UNC5D: variants seen among roughly 807,000 people sequenced by gnomAD.
UNC5D encodes the protein netrin receptor UNC5D.
UNC5D carries 39 observed loss-of-function variants against 105.4 expected under a neutral mutation model. That is an observed-to-expected ratio of 0.37 (90% CI 0.29 to 0.48). The LOEUF is 0.48. UNC5D is among the 20% of genes least tolerant of loss of function. The pLI is 0.98. For synonymous variants in UNC5D, 452 were observed against 450.4 expected, an observed-to-expected ratio of 1.00 and a Z score of -0.04; for missense variants, 991 against 1,202.4, an observed-to-expected ratio of 0.82 and a Z score of 2.60.
chr8:35,478,599 T>A (rs943338397), intron 1 of UNC5D, among the ~76,000 whole-genome samples: 1 of 152,202 alleles, frequency 6.6e-6, no homozygotes, highest in Non-Finnish European at 1.5e-5. Context: ...CATAAGACCA[T>A]GCTTTACTTA....
At chr8:35,236,719 C>T (rs1802497102) in intron 1 of UNC5D, among the ~76,000 whole-genome samples, 1 of 152,188 alleles carries the variant, frequency 6.6e-6, no homozygotes, top group South Asian at 2.1e-4. Context: ...CAGGCAGCAT[C>T]AAGTTAAAGA....
At chr8:35,423,867 T>TG (rs2128968433) in intron 1 of UNC5D, among the ~76,000 whole-genome samples, 1 of 152,036 alleles carries the variant, frequency 6.6e-6, no homozygotes, top group African/African-American at 2.4e-5. Context: ...TTTTTTTTTT[T>TG]TTTGAGACAG....
At chr8:35,287,873 T>A (rs1806726055) in intron 1 of UNC5D, among the ~76,000 whole-genome samples, 1 of 151,940 alleles carries the variant, frequency 6.6e-6, no homozygotes, top group South Asian at 2.1e-4. Context: ...GCAGAAAGAA[T>A]CAGTGAGTTC....
chr8:35,612,723 C>CTTTTTTTTTTTTTTTTTTTTTTT (rs57450378), intron 4 of UNC5D, among the ~76,000 whole-genome samples: 1 of 64,742 alleles, frequency 1.5e-5, no homozygotes, highest in Non-Finnish European at 2.6e-5. Context: ...AATGTTTTGC[C>CTTTTTTTTTTTTTTTTTTTTTTT]TTTTTTTTTT....
intron 4 of UNC5D, among the ~76,000 whole-genome samples, chr8:35,643,291 C>G (rs1302218641): frequency 6.6e-6 from 1 of 152,140 alleles, no homozygotes; most frequent in Non-Finnish European, 1.5e-5. Context: ...GGTTGAGAAC[C>G]ACCACCCTAA....
At chr8:35,585,526 ATG>A (rs10570182) in intron 3 of UNC5D, among the ~76,000 whole-genome samples, 3,282 of 148,638 alleles carry the variant, frequency 0.022, 115 homozygotes, top group African/African-American at 0.069. Flanking sequence ...CAACCATAAT[ATG>A]TGTGTGTGTG....
intron 1 of UNC5D, among the ~76,000 whole-genome samples, chr8:35,343,940 G>A (rs1438778733): frequency 2.0e-5 from 3 of 152,098 alleles, no homozygotes; most frequent in Admixed American, 1.3e-4. Context: ...GTCATCTGAA[G>A]GTTACATAAG....
chr8:35,458,143 C>T (rs918841262), intron 1 of UNC5D, among the ~76,000 whole-genome samples: 47 of 152,094 alleles, frequency 3.1e-4, no homozygotes, highest in Admixed American at 7.9e-4. Flanking sequence ...CTCGCTCTTT[C>T]GGAACAGAAT....
intron 1 of UNC5D, among the ~76,000 whole-genome samples, chr8:35,492,499 G>A (rs553924783): frequency 2.2e-4 from 34 of 152,218 alleles, no homozygotes; most frequent in Non-Finnish European, 3.5e-4. Flanking sequence ...TTGTATGTAT[G>A]ACAAATGTGT....
intron 4 of UNC5D, among the ~76,000 whole-genome samples, chr8:35,670,258 C>T (rs191345939): frequency 1.2e-4 from 19 of 152,190 alleles, no homozygotes; most frequent in Admixed American, 4.6e-4. Context: ...AGAGCCACTT[C>T]GGTGATTTGA....
At chr8:35,564,807 C>A (rs976169612) in intron 2 of UNC5D, among the ~76,000 whole-genome samples, 25 of 152,248 alleles carry the variant, frequency 1.6e-4, no homozygotes, top group African/African-American at 6.0e-4. Flanking sequence ...CCCCTGCATA[C>A]CCATGGCTTG....
chr8:35,247,279 T>A (rs948264423), intron 1 of UNC5D, among the ~76,000 whole-genome samples: 242 of 149,178 alleles, frequency 1.6e-3, no homozygotes, highest in African/African-American at 5.6e-3. Flanking sequence ...TACAGAGATT[T>A]TTTTTTTTTC....
intron 4 of UNC5D, among the ~76,000 whole-genome samples, chr8:35,657,320 C>CA (rs988430606): frequency 3.3e-5 from 5 of 150,848 alleles, no homozygotes; most frequent in African/African-American, 1.2e-4. Flanking sequence ...TCCCTGTGGC[C>CA]AAAAAATCTG....
intron 7 of UNC5D, among the ~76,000 whole-genome samples, chr8:35,692,726 T>A (rs1308301477): frequency 6.6e-6 from 1 of 152,196 alleles, no homozygotes. Flanking sequence ...GAAATGAAAA[T>A]GCCATTAGCA....
chr8:35,633,042 C>A (rs1319547315), intron 4 of UNC5D, among the ~76,000 whole-genome samples: 1 of 152,168 alleles, frequency 6.6e-6, no homozygotes, highest in Non-Finnish European at 1.5e-5. Context: ...TAGTCTATGT[C>A]CCTGGTAATT....
intron 2 of UNC5D, among the ~76,000 whole-genome samples, chr8:35,555,145 T>C (rs1254557659): frequency 6.6e-6 from 1 of 152,198 alleles, no homozygotes; most frequent in Non-Finnish European, 1.5e-5. Context: ...AGAAATAATC[T>C]CTAAAGTGTT....
At chr8:35,543,053 G>T (rs1373296926) in intron 1 of UNC5D, among the ~76,000 whole-genome samples, 2 of 152,108 alleles carry the variant, frequency 1.3e-5, no homozygotes, top group Non-Finnish European at 2.9e-5. Flanking sequence ...TGGAACATCA[G>T]GGTTAAGTTA....
intron 4 of UNC5D, among the ~76,000 whole-genome samples, chr8:35,641,570 T>C (rs1040444461): frequency 1.3e-5 from 2 of 152,024 alleles, no homozygotes; most frequent in African/African-American, 4.8e-5. Context: ...TTCTACAATT[T>C]GTAATATTTT....
chr8:35,394,374 C>CA (rs1328792481), intron 1 of UNC5D, among the ~76,000 whole-genome samples: 4 of 151,824 alleles, frequency 2.6e-5, no homozygotes, highest in East Asian at 3.9e-4. Flanking sequence ...TGTGAAAATA[C>CA]AAAAAAGTTG....
Sources: gnomAD v4.1 joint callset for allele counts (sites outside exome capture counted in the v4.1 genomes callset) on GRCh38, gnomAD v4.1.1 for gene constraint, MANE v1.5 for transcripts, NCBI Gene and HGNC (gene_info 2026-07-23, HGNC 2026-07-21) for gene names.